Variants in WWP2 observed in about 807,000 individuals in gnomAD.
The protein encoded by WWP2 is WW domain containing E3 ubiquitin protein ligase 2.
In WWP2, 57 loss-of-function variants were observed where a neutral mutation model predicts 121.0. That is an observed-to-expected ratio of 0.47 (90% CI 0.38 to 0.59). The LOEUF is 0.59. Among genes scored for constraint, WWP2 ranks in the 20% least tolerant of loss-of-function variants. The probability of loss-of-function intolerance (pLI) is 0.00; values close to 1 mark genes in which losing one functional copy is unlikely to be tolerated. For synonymous variants in WWP2, 449 were observed against 441.3 expected (o/e 1.02, Z -0.22); for missense variants, 962 against 1,158.9 (o/e 0.83, Z 2.47).
rs1219571253 is a variant in WWP2 at position 69,799,816 on chromosome 16, C to T, written c.340+521C>T. On this transcript the variant is annotated intron_variant, in intron 4 of 23. Coordinates refer to ENST00000359154, the MANE Select transcript of WWP2 (RefSeq NM_001270454.2). This position sits in a 1 kb window ranked among gnomAD's most constrained non-coding sequence, Gnocchi z 4.5. ...TTACTGGATGTTGGAACGTGATGGA[C>T]GCGCCATCTGAATTAGCCAACGTGC... Among the ~76,000 whole-genome samples, 1 of 152,104 alleles carries T rather than the reference C, an allele frequency of 6.6e-6. No individual in the cohort carries two copies. Among genetic ancestry groups the T allele is most frequent in the Non-Finnish European group, 1.5e-5 (1 of 68,030 alleles).
intron 6 of WWP2, among the ~76,000 whole-genome samples, chr16:69,862,539 C>A (rs2057441445): frequency 6.6e-6 from 1 of 152,046 alleles, no homozygotes; most frequent in African/African-American, 2.4e-5. Context: ...GCATGAGCCA[C>A]CATGCCTGGC....
At chr16:69,808,723 G>A (rs1161963334) in intron 4 of WWP2, among the ~76,000 whole-genome samples, 2 of 152,146 alleles carry the variant, frequency 1.3e-5, no homozygotes, top group African/African-American at 4.8e-5. Context: ...TTGTATTTGG[G>A]TGTAGTGTTC....
At chr16:69,856,769 A>G (rs1319669313) in intron 6 of WWP2, among the ~76,000 whole-genome samples, 2 of 151,894 alleles carry the variant, frequency 1.3e-5, no homozygotes, top group Middle Eastern at 3.4e-3. Flanking sequence ...GGGAGACTCT[A>G]TCTCAAAAAT....
intron 2 of WWP2, 32 bp downstream of exon 2, chr16:69,787,112 T>C (rs367556265): frequency 6.7e-5 from 106 of 1,582,030 alleles, no homozygotes; most frequent in Non-Finnish European, 8.9e-5. Flanking sequence ...CTTCATCTTG[T>C]CTACGCCCAG....
intron 7 of WWP2, among the ~76,000 whole-genome samples, chr16:69,887,763 A>C (rs1317644574): frequency 6.6e-6 from 1 of 152,200 alleles, no homozygotes; most frequent in East Asian, 1.9e-4. Context: ...AATAAATGTA[A>C]ATGTAACCAC....
At chr16:69,915,762 A>C (rs1422278890) in intron 9 of WWP2, among the ~76,000 whole-genome samples, 2 of 151,998 alleles carry the variant, frequency 1.3e-5, no homozygotes, top group Non-Finnish European at 2.9e-5. Flanking sequence ...GGCCGGGTGC[A>C]GGGGCTCACA....
chr16:69,767,036 G>GTTT (rs552760216), intron 1 of WWP2, among the ~76,000 whole-genome samples: 1 of 137,880 alleles, frequency 7.3e-6, no homozygotes, highest in African/African-American at 2.6e-5. Context: ...TAGGGGTTTT[G>GTTT]TTTTTTTTTT....
At chr16:69,823,268 T>C (rs1430877164) in intron 4 of WWP2, among the ~76,000 whole-genome samples, 1 of 152,232 alleles carries the variant, frequency 6.6e-6, no homozygotes, top group East Asian at 1.9e-4. Context: ...ACATACTTTT[T>C]GGCCTCAGGT....
intron 4 of WWP2, among the ~76,000 whole-genome samples, chr16:69,810,124 G>A (rs7195995): frequency 0.061 from 9,238 of 152,300 alleles, 859 homozygotes; most frequent in African/African-American, 0.2. Flanking sequence ...CCTCTTCCAC[G>A]GACAGAATTC....
At chr16:69,910,450 C>A in intron 9 of WWP2, 1 of 838,112 alleles carries the variant, frequency 1.2e-6, no homozygotes, top group South Asian at 5.5e-5. Flanking sequence ...GCTCTGTTGC[C>A]CAGGCTGGAG....
At chr16:69,933,859 G>GAC (rs907361744) in intron 16 of WWP2, 111 bp from the exon 17 acceptor site, 1 of 1,296,332 alleles carries the variant, frequency 7.7e-7, no homozygotes, top group African/African-American at 1.5e-5. Context: ...GACTCCCTGG[G>GAC]ACACGTGTCC....
intron 4 of WWP2, among the ~76,000 whole-genome samples, chr16:69,826,267 CAAA>C (rs71151139): frequency 1.3e-4 from 18 of 133,388 alleles, no homozygotes; most frequent in Admixed American, 1.5e-4. Context: ...AACTCCGTCT[CAAA>C]AAAAAAAAAA....
intron 11 of WWP2, among the ~76,000 whole-genome samples, chr16:69,927,666 C>T (rs115909198): frequency 1.0e-3 from 157 of 152,350 alleles, no homozygotes; most frequent in African/African-American, 3.6e-3. Flanking sequence ...ACAGGGCAGA[C>T]GTGGAGGATC....
intron 4 of WWP2, among the ~76,000 whole-genome samples, chr16:69,811,735 C>T (rs575506808): frequency 1.0e-3 from 152 of 152,254 alleles, no homozygotes; most frequent in Non-Finnish European, 1.9e-3. Flanking sequence ...GTCTGGATGA[C>T]AGAGCCAGAC....
chr16:69,791,800 G>A (rs1469059138), intron 2 of WWP2, among the ~76,000 whole-genome samples: 3 of 151,994 alleles, frequency 2.0e-5, no homozygotes, highest in Admixed American at 6.6e-5. Context: ...GATTACAGGT[G>A]TGAGCCACCG....
At chr16:69,865,798 G>C (rs1276482551) in intron 6 of WWP2, among the ~76,000 whole-genome samples, 1 of 152,228 alleles carries the variant, frequency 6.6e-6, no homozygotes, top group Non-Finnish European at 1.5e-5. Flanking sequence ...AGGTGAAGCA[G>C]AGGACAGAAA....
intron 1 of WWP2, among the ~76,000 whole-genome samples, chr16:69,781,849 C>G (rs540055685): frequency 1.3e-5 from 2 of 152,180 alleles, no homozygotes; most frequent in South Asian, 4.1e-4. Flanking sequence ...GGCAGGAGAG[C>G]TAGAGAGAAA....
intron 6 of WWP2, among the ~76,000 whole-genome samples, chr16:69,863,198 C>T (rs1319138497): frequency 6.6e-6 from 1 of 152,172 alleles, no homozygotes; most frequent in Non-Finnish European, 1.5e-5. Context: ...CCTTCTACAA[C>T]TTTTGCTCAC....
chr16:69,916,213 G>C (rs2058477890), intron 9 of WWP2, among the ~76,000 whole-genome samples: 1 of 152,014 alleles, frequency 6.6e-6, no homozygotes, highest in South Asian at 2.1e-4. Flanking sequence ...GTTGTTGTTT[G>C]AGACAGGATC....
Sources: gnomAD v4.1 joint callset for allele counts (sites outside exome capture counted in the v4.1 genomes callset) on GRCh38, gnomAD v4.1.1 for gene constraint, Gnocchi (gnomAD v3.1) non-coding constraint, MANE v1.5 for transcripts, NCBI Gene and HGNC (gene_info 2026-07-23, HGNC 2026-07-21) for gene names.